ARIH1: variants seen among roughly 807,000 people sequenced by gnomAD.
ARIH1 encodes the protein ariadne RBR E3 ubiquitin protein ligase 1.
ARIH1 carries 8 observed loss-of-function variants against 85.0 expected under a neutral mutation model. That is an observed-to-expected ratio of 0.09 (90% CI 0.06 to 0.17). The LOEUF is 0.17. Ranked by LOEUF, ARIH1 falls within the 10% of genes least tolerant of loss-of-function variation. The pLI, the probability that ARIH1 is intolerant of heterozygous loss-of-function variation, is 1.00. For synonymous variants in ARIH1, 238 were observed against 253.6 expected (o/e 0.94, Z 0.59); for missense variants, 311 against 718.1 (o/e 0.43, Z 6.48).
At chr15:72,537,070 A>G (rs2064085362) in intron 2 of ARIH1, among the ~76,000 whole-genome samples, 1 of 151,826 alleles carries the variant, frequency 6.6e-6, no homozygotes, top group Non-Finnish European at 1.5e-5. Flanking sequence ...GCAAGCTGTT[A>G]CAGATTTGTG....
chr15:72,480,833 G>A (rs755740770), intron 1 of ARIH1, among the ~76,000 whole-genome samples: 67 of 152,258 alleles, frequency 4.4e-4, no homozygotes, highest in Non-Finnish European at 8.1e-4. Context: ...CCAAAGTTCT[G>A]GGATCACAGT....
intron 1 of ARIH1, among the ~76,000 whole-genome samples, chr15:72,515,561 A>G (rs2063971450): frequency 6.6e-6 from 1 of 152,188 alleles, no homozygotes; most frequent in Non-Finnish European, 1.5e-5. Flanking sequence ...GAAGTGCTGT[A>G]GAGAAAGTTT....
At chr15:72,531,435 CTT>C (rs2064056298) in intron 2 of ARIH1, among the ~76,000 whole-genome samples, 1 of 151,922 alleles carries the variant, frequency 6.6e-6, no homozygotes, top group Admixed American at 6.6e-5. Context: ...GCCTGGTTAA[CTT>C]TAGTATTTTT....
intron 3 of ARIH1, among the ~76,000 whole-genome samples, chr15:72,550,357 T>C (rs1198421931): frequency 6.6e-6 from 1 of 152,224 alleles, no homozygotes; most frequent in Non-Finnish European, 1.5e-5. Context: ...TAGTAACCAT[T>C]GTGACCGTTG....
chr15:72,530,979 T>C (rs952358109), intron 2 of ARIH1, among the ~76,000 whole-genome samples: 1 of 152,200 alleles, frequency 6.6e-6, no homozygotes, highest in African/African-American at 2.4e-5. Flanking sequence ...CTGAGAATTT[T>C]GCAGATTGGT....
At position 72,579,244 on chromosome 15, in the gene ARIH1, G is replaced by T. The variant is rs193184514; in HGVS notation, c.1216-1487G>T. Among the ~76,000 whole-genome samples the T allele has an allele frequency of 7.2e-5, 11 of 152,146 alleles. No individual in the cohort carries two copies. The East Asian group carries it at 2.1e-3, about 29-fold the overall frequency. On this transcript the variant is annotated intron_variant, in intron 11 of 13. Coordinates refer to ENST00000379887, the MANE Select transcript of ARIH1 (RefSeq NM_005744.5). ...TGAAGAAACTAGATCGTGTTGTCCT[G>T]TAGAGTTTCCCACATTATGGATTTT...
intron 1 of ARIH1, among the ~76,000 whole-genome samples, chr15:72,482,990 A>G (rs1437900487): frequency 6.6e-6 from 1 of 151,920 alleles, no homozygotes; most frequent in Non-Finnish European, 1.5e-5. Flanking sequence ...ATAGATGTGC[A>G]CCACCACACC....
intron 9 of ARIH1, among the ~76,000 whole-genome samples, chr15:72,569,423 A>C (rs1194780764): frequency 6.6e-6 from 1 of 152,230 alleles, no homozygotes; most frequent in Non-Finnish European, 1.5e-5. Context: ...GGTAGGAGAA[A>C]GTTGGAAAAT....
chr15:72,597,168 G>GTTTTTTTT lies in ARIH1; in HGVS notation c.*13878_*13885dup, dbSNP rs35136107. 1 of 149,658 alleles carries GTTTTTTTT rather than the reference G, an allele frequency of 6.7e-6. No homozygotes were observed. 9.3% of individuals were successfully genotyped at this position (149,658 alleles called of 1,614,324 possible). A position where few individuals can be genotyped will look rare whatever the true frequency, so the allele number is the denominator to read the frequency against. ...ACTTCCAAAACAGAGCATGCCCTTT[G>GTTTTTTTT]TTTTTTTTTCAGGCCACTTGAATGG... On this transcript the variant is annotated 3_prime_UTR_variant, in exon 14 of 14. Coordinates refer to ENST00000379887, the MANE Select transcript of ARIH1 (RefSeq NM_005744.5).
chr15:72,580,181 A>T (rs963380994), intron 11 of ARIH1, among the ~76,000 whole-genome samples: 1 of 152,110 alleles, frequency 6.6e-6, no homozygotes, highest in African/African-American at 2.4e-5. Context: ...AAGCGAGATC[A>T]TGTAGTATTT....
chr15:72,556,054 C>T (rs1289213626), intron 5 of ARIH1, 147 bp downstream of exon 5: 2 of 625,302 alleles, frequency 3.2e-6, no homozygotes, highest in African/African-American at 3.7e-5. Context: ...GTACAAAAGC[C>T]CATTTGTAAC....
intron 1 of ARIH1, among the ~76,000 whole-genome samples, chr15:72,487,839 C>T (rs1208092389): frequency 6.6e-6 from 1 of 152,188 alleles, no homozygotes; most frequent in Non-Finnish European, 1.5e-5. Context: ...AAGTCTATCC[C>T]AGACTCCTTA....
At chr15:72,578,786 C>T (rs1259566460) in intron 11 of ARIH1, among the ~76,000 whole-genome samples, 1 of 146,138 alleles carries the variant, frequency 6.8e-6, no homozygotes, top group African/African-American at 2.5e-5. Context: ...CCCCAATTAT[C>T]TTAAATTTTG....
chr15:72,475,963 G>C (rs974640658), intron 1 of ARIH1, among the ~76,000 whole-genome samples: 1 of 152,106 alleles, frequency 6.6e-6, no homozygotes, highest in Non-Finnish European at 1.5e-5. Flanking sequence ...AAAAACCTCA[G>C]TTCTCCTGAG....
In ARIH1 at chr15:72,591,643, T is replaced by C. The variant is rs2064344101; in HGVS notation, c.*8351T>C. On this transcript the variant is annotated 3_prime_UTR_variant, in exon 14 of 14. Transcript: ENST00000379887. ...ACTCCCACCTCGGTATGTCAAATCA[T>C]TTTCTCAGAGGAAGTACAGCATAAA... The C allele has an allele frequency of 6.6e-6, 1 of 152,214 alleles. No homozygotes were observed. Among genetic ancestry groups the C allele is most frequent in the South Asian group, 2.1e-4 (1 of 4,834 alleles). 9.4% of individuals were successfully genotyped at this position (152,214 alleles called of 1,614,324 possible).
chr15:72,570,856 C>T (rs758671717), intron 10 of ARIH1, among the ~76,000 whole-genome samples: 1 of 152,098 alleles, frequency 6.6e-6, no homozygotes, highest in Non-Finnish European at 1.5e-5. Context: ...GGGCCAGGCA[C>T]GGTGGCTCAC....
At chr15:72,539,988 G>A (rs1209168298) in intron 2 of ARIH1, among the ~76,000 whole-genome samples, 3 of 152,090 alleles carry the variant, frequency 2.0e-5, no homozygotes, top group East Asian at 1.9e-4. Flanking sequence ...GGCCGGGCAC[G>A]GTGGCTCATG....
At chr15:72,495,696 G>A (rs1329723515) in intron 1 of ARIH1, among the ~76,000 whole-genome samples, 2 of 152,082 alleles carry the variant, frequency 1.3e-5, no homozygotes, top group Admixed American at 6.6e-5. Flanking sequence ...ATGGCTGTAA[G>A]CTCTTGGTGA....
intron 3 of ARIH1, among the ~76,000 whole-genome samples, chr15:72,546,600 A>G (rs1186813256): frequency 1.3e-5 from 2 of 151,808 alleles, no homozygotes; most frequent in African/African-American, 4.8e-5. Flanking sequence ...CTCCCACCTC[A>G]GCCTCCCAAG....
Sources: allele counts gnomAD v4.1 joint callset (sites outside exome capture counted in the v4.1 genomes callset), GRCh38; gene constraint gnomAD v4.1.1; transcripts MANE v1.5; gene names NCBI Gene and HGNC (gene_info 2026-07-23, HGNC 2026-07-21).